Variants in GCNT4 observed in about 807,000 individuals in gnomAD.
The protein encoded by GCNT4 is glucosaminyl (N-acetyl) transferase 4.
In GCNT4, 17 loss-of-function variants were observed where a neutral mutation model predicts 31.3. The observed-to-expected ratio is 0.54, with a 90% CI of 0.37 to 0.81. The LOEUF (loss-of-function observed/expected upper bound fraction) is 0.81, where lower values mean the gene tolerates loss of function less well. Ranked by LOEUF, GCNT4 falls within the 40% of genes least tolerant of loss-of-function variation. The probability of loss-of-function intolerance (pLI) is 0.00; values close to 1 mark genes in which losing one functional copy is unlikely to be tolerated. For missense variants in GCNT4, 503 were observed against 525.5 expected (o/e 0.96, Z 0.42); for synonymous variants, 158 against 190.6 (o/e 0.83, Z 1.41).
At chr5:75,039,602 G>C (rs544415069) in intron 3 of GCNT4, among the ~76,000 whole-genome samples, 5 of 152,282 alleles carry the variant, frequency 3.3e-5, no homozygotes, top group Admixed American at 3.3e-4. Context: ...TCCAATTTCA[G>C]AGCCTATACT....
chr5:75,021,145 G>T (rs1742876383), downstream of GCNT4, among the ~76,000 whole-genome samples: 1 of 152,182 alleles, frequency 6.6e-6, no homozygotes, highest in African/African-American at 2.4e-5. Context: ...TGACTGCCTT[G>T]AACATCTCGA....
At chr5:75,052,099 C>G (rs1743583811) in intron 2 of GCNT4, 70 bp downstream of exon 2, 1 of 152,074 alleles carries the variant, frequency 6.6e-6, no homozygotes, top group African/African-American at 2.4e-5. Context: ...ATGTTTTAGG[C>G]TTATTGATGC....
chr5:75,027,857 T>G lies in GCNT4; in HGVS notation c.*819A>C, dbSNP rs892075614. ...TGTTCTGGTGTGTGACACTTGGAGCTATTGGTCAGTTCTTATTTTTAATCA... is the reference window on the plus strand; with the variant it reads ...TGTTCTGGTGTGTGACACTTGGAGCGATTGGTCAGTTCTTATTTTTAATCA... On this transcript the variant is annotated 3_prime_UTR_variant, in exon 4 of 4. Coordinates refer to ENST00000652361, the MANE Select transcript of GCNT4 (RefSeq NM_001366737.1). 4.6e-5 allele frequency: 7 copies of G among 152,576 alleles called. No homozygotes were observed. The highest frequency in any genetic ancestry group is 1.0e-4 in the Non-Finnish European group (7 of 68,024). 9.5% of individuals were successfully genotyped at this position (152,576 alleles called of 1,614,324 possible). A position where few individuals can be genotyped will look rare whatever the true frequency, so the allele number is the denominator to read the frequency against.
downstream of GCNT4, among the ~76,000 whole-genome samples, chr5:75,020,375 A>G (rs538785935): frequency 2.0e-5 from 3 of 152,246 alleles, no homozygotes; most frequent in East Asian, 3.9e-4. Context: ...GAAGGCAGAC[A>G]GAGGGGGAGC....
In GCNT4 at chr5:75,027,069, C is replaced by A. The variant is rs1378731341; in HGVS notation, c.*1607G>T. 4.0e-5 allele frequency: 6 copies of A among 151,432 alleles called. No homozygotes were observed. Among genetic ancestry groups the A allele is most frequent in the Non-Finnish European group, 8.8e-5 (6 of 67,930 alleles). The allele number at this position is 151,432 out of a possible 1,614,324, so 9.4% of individuals were successfully genotyped here. A position where few individuals can be genotyped will look rare whatever the true frequency, so the allele number is the denominator to read the frequency against. On this transcript the variant is annotated 3_prime_UTR_variant, in exon 4 of 4. Coordinates refer to ENST00000652361, the MANE Select transcript of GCNT4 (RefSeq NM_001366737.1). ...ATTGTCCTATTTTGGGCTAGATTTA[C>A]TACATCTTTAAATATAATATCTGAG...
rs560353143 is a variant in GCNT4 at position 75,026,638 on chromosome 5, C to T, written c.*2038G>A. 3.5e-5 allele frequency: 4 copies of T among 115,684 alleles called. No homozygotes were observed. Among genetic ancestry groups the T allele is most frequent in the South Asian group, 2.8e-4 (1 of 3,552 alleles). The allele number at this position is 115,684 out of a possible 1,614,324, so 7.2% of individuals were successfully genotyped here. A position where few individuals can be genotyped will look rare whatever the true frequency, so the allele number is the denominator to read the frequency against. On this transcript the variant is annotated 3_prime_UTR_variant, in exon 4 of 4. Transcript: ENST00000652361. The stretch of plus-strand genomic sequence containing the variant: ...AAACCACTTCATATACTATTTCAAT[C>T]GATTCTCACAAAAAAAAAAAAAAAA...
downstream of GCNT4, among the ~76,000 whole-genome samples, chr5:75,022,057 A>T (rs1240221880): frequency 6.6e-6 from 1 of 152,122 alleles, no homozygotes; most frequent in Non-Finnish European, 1.5e-5. Context: ...TTCCCATGGA[A>T]ATTTTTTCTT....
chr5:75,040,417 C>T (rs1185061207), intron 3 of GCNT4, among the ~76,000 whole-genome samples: 1 of 152,152 alleles, frequency 6.6e-6, no homozygotes, highest in Admixed American at 6.5e-5. Flanking sequence ...CTACTTTACC[C>T]CCAGTATTAA....
chr5:75,044,696 A>G (rs753283685), intron 3 of GCNT4, among the ~76,000 whole-genome samples: 8 of 151,998 alleles, frequency 5.3e-5, no homozygotes, highest in Non-Finnish European at 1.0e-4. Context: ...GCACCCAGAC[A>G]CCATCTCCAA....
chr5:75,021,923 A>G (rs1382343855), downstream of GCNT4, among the ~76,000 whole-genome samples: 1 of 152,108 alleles, frequency 6.6e-6, no homozygotes, highest in Non-Finnish European at 1.5e-5. Context: ...GTTGCCTGTA[A>G]ATTATATCAG....
downstream of GCNT4, among the ~76,000 whole-genome samples, chr5:75,022,595 G>A (rs1742892403): frequency 6.6e-6 from 1 of 152,176 alleles, no homozygotes. Context: ...GAAAGGCGGG[G>A]AGCAATCTGT....
chr5:75,037,490 A>C (rs1743222309), intron 3 of GCNT4, among the ~76,000 whole-genome samples: 1 of 152,244 alleles, frequency 6.6e-6, no homozygotes, highest in African/African-American at 2.4e-5. Flanking sequence ...AATCCAATAC[A>C]AATTGAGGAC....
At chr5:75,050,879 T>C (rs1288365680) in intron 2 of GCNT4, among the ~76,000 whole-genome samples, 1 of 152,156 alleles carries the variant, frequency 6.6e-6, no homozygotes, top group Non-Finnish European at 1.5e-5. Context: ...CCTGTCTACT[T>C]AGGGGCTCCT....
At chr5:75,034,735 A>G (rs1254229371) in intron 3 of GCNT4, among the ~76,000 whole-genome samples, 1 of 152,242 alleles carries the variant, frequency 6.6e-6, no homozygotes, top group Non-Finnish European at 1.5e-5. Context: ...TTTGGTGGCT[A>G]TAACTCAGGT....
rs1222677065 is a variant in GCNT4 at position 75,027,349 on chromosome 5, T to C, written c.*1327A>G. The C allele has an allele frequency of 6.4e-5, 1 of 15,538 alleles. No homozygotes were observed. The highest frequency in any genetic ancestry group is 9.0e-5 in the Non-Finnish European group (1 of 11,146). The allele number at this position is 15,538 out of a possible 1,614,324, so 1.0% of individuals were successfully genotyped here. A position where few individuals can be genotyped will look rare whatever the true frequency, so the allele number is the denominator to read the frequency against. On this transcript the variant is annotated 3_prime_UTR_variant, in exon 4 of 4. Transcript: ENST00000652361. ...TATATTCATATACAATATATGTATATATAATATATATATTTATATATTATA... is the reference window on the plus strand; with the variant it reads ...TATATTCATATACAATATATGTATACATAATATATATATTTATATATTATA...
chr5:75,045,304 G>A (rs963736925), intron 3 of GCNT4, among the ~76,000 whole-genome samples: 3 of 152,064 alleles, frequency 2.0e-5, no homozygotes, highest in African/African-American at 7.2e-5. Flanking sequence ...CTGCTTCTGG[G>A]CCCTGCCAAC....
At chr5:75,023,180 T>G (rs1161677700), downstream of GCNT4, among the ~76,000 whole-genome samples, 1 of 152,230 alleles carries the variant, frequency 6.6e-6, no homozygotes, top group African/African-American at 2.4e-5. Context: ...GAAATAGCTC[T>G]TTACTACCCA....
downstream of GCNT4, among the ~76,000 whole-genome samples, chr5:75,021,224 G>A (rs988642940): frequency 6.6e-6 from 1 of 152,092 alleles, no homozygotes; most frequent in Non-Finnish European, 1.5e-5. Flanking sequence ...ATACAAACTT[G>A]TCCAAGTAGT....
At position 75,052,244 on chromosome 5, in the gene GCNT4, C is replaced by CAAAAAAAAAAAAAAAA. The variant is rs200517667; in HGVS notation, c.-201-33_-201-18dup. 1 of 95,156 alleles carries CAAAAAAAAAAAAAAAA rather than the reference C, an allele frequency of 1.1e-5. No homozygotes were observed. Among genetic ancestry groups the CAAAAAAAAAAAAAAAA allele is most frequent in the African/African-American group, 3.3e-5 (1 of 30,564 alleles). The allele number at this position is 95,156 out of a possible 1,614,324, so 5.9% of individuals were successfully genotyped here. A position where few individuals can be genotyped will look rare whatever the true frequency, so the allele number is the denominator to read the frequency against. On this transcript the variant is annotated splice_polypyrimidine_tract_variant and intron_variant, in intron 1 of 3. Transcript: ENST00000652361. ...TTTGTTGTTCTTCCATTTTTAAAGA[C>CAAAAAAAAAAAAAAAA]AAAAAAAAAAAAAAAAAGAAAAAGA...
Sources: allele counts gnomAD v4.1 joint callset (sites outside exome capture counted in the v4.1 genomes callset), GRCh38; gene constraint gnomAD v4.1.1; transcripts MANE v1.5; gene names NCBI Gene and HGNC (gene_info 2026-07-23, HGNC 2026-07-21).